Variants in TYRO3 observed in about 807,000 individuals in gnomAD.
TYRO3 encodes tyrosine-protein kinase receptor TYRO3.
In TYRO3, 38 loss-of-function variants were observed where a neutral mutation model predicts 95.2. The observed-to-expected ratio is 0.40, with a 90% CI of 0.31 to 0.52. The LOEUF (loss-of-function observed/expected upper bound fraction) is 0.52, where lower values mean the gene tolerates loss of function less well. Among genes scored for constraint, TYRO3 ranks in the 20% least tolerant of loss-of-function variants. The probability of loss-of-function intolerance (pLI) is 0.56; values close to 1 mark genes in which losing one functional copy is unlikely to be tolerated. For synonymous variants in TYRO3, 367 were observed against 432.9 expected (o/e 0.85, Z 1.89); for missense variants, 812 against 1,116.4 (o/e 0.73, Z 3.89).
rs1401508570 is a variant in TYRO3, at chr15:41,567,355, T to C, written c.784-5T>C. 1 of 1,533,542 alleles carries C rather than the reference T, an allele frequency of 6.5e-7. No individual in the cohort carries two copies. Among genetic ancestry groups the C allele is most frequent in the African/African-American group, 1.4e-5 (1 of 71,608 alleles). 95.0% of individuals were successfully genotyped at this position (1,533,542 alleles called of 1,614,324 possible). ...CTACATCATTAGTTTTCTGCTTTTC[T>C]GTAGGTGACACAGGCCCCAGGAGGC... is the stretch of plus-strand genomic sequence containing the variant. On this transcript the variant is annotated splice_polypyrimidine_tract_variant and splice_region_variant and intron_variant, in intron 6 of 18. Transcript: ENST00000263798.
In TYRO3 at chr15:41,568,212, T is replaced by C; in HGVS notation, c.962-5T>C. The C allele has an allele frequency of 6.2e-7, 1 of 1,611,886 alleles. No individual in the cohort carries two copies. The stretch of plus-strand genomic sequence containing the variant: ...GTCTTAGCAATCTTCTCTCTTTGGC[T>C]GCAGCCCCAGCCAGCGCTCCCCAAA... On this transcript the variant is annotated splice_polypyrimidine_tract_variant and splice_region_variant and intron_variant, in intron 7 of 18. Transcript: ENST00000263798.
Position 41,578,303 on chromosome 15 carries a change from T to C in TYRO3, c.*27T>C. 1 of 1,612,484 alleles carries C rather than the reference T, an allele frequency of 6.2e-7. No individual in the cohort carries two copies. The highest frequency in any genetic ancestry group is 8.5e-7 in the Non-Finnish European group (1 of 1,179,730). On this transcript the variant is annotated 3_prime_UTR_variant, in exon 19 of 19. Transcript: ENST00000263798. ...CCACAGGCAGAGGGCATCGGGGCCA[T>C]TTGGCCGGCTCTGGTGGCCACTGAG...
intron 15 of TYRO3, 54 bp from the exon 16 acceptor site, chr15:41,572,948 C>G (rs2055815604): frequency 6.9e-7 from 1 of 1,445,820 alleles, no homozygotes; most frequent in Non-Finnish European, 9.6e-7. Flanking sequence ...CCCATCCATC[C>G]TGCCCCAGCT....
rs376761841 is a variant in TYRO3, at chr15:41,565,078, C to A, written c.720C>A (p.Asn240Lys). The A allele has an allele frequency of 5.6e-6, 9 of 1,613,352 alleles. No homozygotes were observed. Among genetic ancestry groups the A allele is most frequent in the East Asian group, 2.2e-5 (1 of 44,882 alleles). ...CCGTGACAAAGCTTTCCAGCAGCAA[C>A]GCTAGTGTGGCCTGGATGCCAGGTG... ...NITVTKLSSS[N>K]ASVAWMPGAD... Residue 240 changes from asparagine to lysine, a missense_variant, in exon 6 of 19, where the codon AAC (asparagine) becomes AAA (lysine). Coordinates refer to ENST00000263798, the MANE Select transcript of TYRO3 (RefSeq NM_006293.4).
Position 41,583,550 on chromosome 15 carries a change from C to T in TYRO3, c.*5274C>T, listed in dbSNP as rs2055943758. The T allele has an allele frequency of 6.6e-6, 1 of 152,194 alleles. No homozygotes were observed. The highest frequency in any genetic ancestry group is 1.5e-5 in the Non-Finnish European group (1 of 68,048). 9.4% of individuals were successfully genotyped at this position (152,194 alleles called of 1,614,324 possible). ...ATTACATGTGCCAGTGTCACTGCTA[C>T]ACTAATTGAATTACTATAAATGTAT... On this transcript the variant is annotated 3_prime_UTR_variant, in exon 19 of 19. Transcript: ENST00000263798.
intron 13 of TYRO3, 121 bp downstream of exon 13, chr15:41,571,239 G>A: frequency 1.1e-6 from 1 of 890,356 alleles, no homozygotes. Context: ...AGCACTAACT[G>A]GGATGCTCTT....
Position 41,575,907 on chromosome 15 carries a change from C to G in TYRO3, c.2283-1979C>G, listed in dbSNP as rs556408043. On this transcript the variant is annotated intron_variant, in intron 18 of 18. Coordinates refer to ENST00000263798, the MANE Select transcript of TYRO3 (RefSeq NM_006293.4). ...ATCTCCTGAGGTCGGGAGTTCCAGA[C>G]CAGCCTGACCAACATAGAGAAACCC... 1.5e-4 allele frequency among the ~76,000 whole-genome samples: 23 copies of G among 152,008 alleles called. 1 individual carries two copies. In the South Asian group the frequency reaches 4.8e-3, roughly 32 times the overall value.
In TYRO3 at chr15:41,573,458, G is replaced by A; in HGVS notation, c.2136G>A (p.Gln712=). ...TGGCCGACAACCTGTATACTGTGCA[G>A]AGTGACGTGGTGAGCAGGGTGGCCC... is the stretch of plus-strand genomic sequence containing the variant. ...ESLADNLYTV[Q]SDVWAFGVTM... The change falls in exon 17 of 19, where the codon CAG becomes CAA. Residue 712 remains glutamine, a synonymous_variant. Coordinates refer to ENST00000263798, the MANE Select transcript of TYRO3 (RefSeq NM_006293.4). 1 of 1,614,264 alleles carries A rather than the reference G, an allele frequency of 6.2e-7. No individual in the cohort carries two copies. The highest frequency in any genetic ancestry group is 8.5e-7 in the Non-Finnish European group (1 of 1,180,050).
intron 4 of TYRO3, among the ~76,000 whole-genome samples, chr15:41,563,190 C>G (rs2055679218): frequency 6.6e-6 from 1 of 152,082 alleles, no homozygotes; most frequent in African/African-American, 2.4e-5. Flanking sequence ...GGCCTCCTCC[C>G]CTAATGGCGC....
At chr15:41,563,220 C>T (rs543104041) in intron 4 of TYRO3, among the ~76,000 whole-genome samples, 3 of 152,164 alleles carry the variant, frequency 2.0e-5, no homozygotes, top group African/African-American at 7.2e-5. Flanking sequence ...AACCTCCACA[C>T]GTTTTCTCAA....
chr15:41,574,332 A>G (rs1451883422), intron 18 of TYRO3, among the ~76,000 whole-genome samples: 3 of 152,144 alleles, frequency 2.0e-5, no homozygotes, highest in South Asian at 2.1e-4. Flanking sequence ...TGCAAGCCCA[A>G]AGCCCTCGGG....
intron 14 of TYRO3, 33 bp downstream of exon 14, chr15:41,571,720 A>G (rs1467371212): frequency 3.1e-6 from 3 of 961,776 alleles, no homozygotes; most frequent in Admixed American, 1.9e-5. Flanking sequence ...CAGATAGAGA[A>G]TAGGGCTAAA....
intron 9 of TYRO3, 69 bp from the exon 10 acceptor site, chr15:41,569,958 T>C: frequency 6.4e-7 from 1 of 1,555,360 alleles, no homozygotes; most frequent in Non-Finnish European, 8.7e-7. Flanking sequence ...TGGATGGCCA[T>C]CCTGGGAAAG....
intron 18 of TYRO3, 193 bp from the exon 19 acceptor site, chr15:41,577,693 C>T: frequency 1.8e-6 from 1 of 546,954 alleles, no homozygotes; most frequent in Non-Finnish European, 3.2e-6. Context: ...TGCCATATTG[C>T]CCAGGCTGGT....
chr15:41,572,874 C>CTCCA, intron 15 of TYRO3, 128 bp from the exon 16 acceptor site: 1 of 812,056 alleles, frequency 1.2e-6, no homozygotes, highest in South Asian at 1.8e-5. Flanking sequence ...TGGGAAGGCC[C>CTCCA]TCCATCCCCT....
chr15:41,570,040 T>C lies in TYRO3; in HGVS notation c.1266T>C (p.Pro422=), dbSNP rs1416863974. The stretch of plus-strand genomic sequence containing the variant: ...TCCCTCCCACAGGCCAGCAGGGCCC[T>C]CCTCACAGCCGCACATCCTGGGTAC... ...SSHDRAGQQG[P]PHSRTSWVPV... is the part of the protein sequence containing the mutation. The change falls in exon 10 of 19, where the codon CCT becomes CCC. Residue 422 remains proline, a synonymous_variant. Coordinates refer to ENST00000263798, the MANE Select transcript of TYRO3 (RefSeq NM_006293.4). 6.2e-7 allele frequency: 1 copy of C among 1,612,958 alleles called. No homozygotes were observed. The highest frequency in any genetic ancestry group is 1.7e-5 in the Admixed American group (1 of 60,008).
chr15:41,567,678 C>A, intron 7 of TYRO3, 141 bp downstream of exon 7: 1 of 677,404 alleles, frequency 1.5e-6, no homozygotes, highest in Non-Finnish European at 2.2e-6. Flanking sequence ...AACTACATAC[C>A]ACCTTGTAAG....
chr15:41,560,188 G>T (rs1002673567), intron 1 of TYRO3, among the ~76,000 whole-genome samples: 6 of 152,204 alleles, frequency 3.9e-5, no homozygotes, highest in Non-Finnish European at 5.9e-5. Flanking sequence ...TGCCATATCA[G>T]CCTCTCAGGG....
At chr15:41,576,356 G>C (rs1305296042) in intron 18 of TYRO3, among the ~76,000 whole-genome samples, 1 of 151,784 alleles carries the variant, frequency 6.6e-6, no homozygotes, top group African/African-American at 2.4e-5. Flanking sequence ...ACCCTGCCCA[G>C]CTAATTTTGT....
Sources: gnomAD v4.1 joint callset for allele counts (sites outside exome capture counted in the v4.1 genomes callset) on GRCh38, gnomAD v4.1.1 for gene constraint, MANE v1.5 for transcripts, NCBI Gene and HGNC (gene_info 2026-07-23, HGNC 2026-07-21) for gene names.